The following MRAP2 variants were observed in gnomAD, a reference collection of about 807,000 sequenced individuals.
MRAP2 encodes the protein melanocortin-2 receptor accessory protein 2.
In MRAP2, 20 loss-of-function variants were observed where a neutral mutation model predicts 17.4. That is an observed-to-expected ratio of 1.15 (90% CI 0.81 to 1.67). The LOEUF is 1.67. MRAP2 is among the 40% of genes most tolerant of loss of function. MRAP2 has a pLI of 0.00. For synonymous variants in MRAP2, 96 were observed against 88.4 expected (o/e 1.09, Z -0.48); for missense variants, 238 against 240.0 (o/e 0.99, Z 0.05).
At chr6:84,130,940 G>A in the MRAP2 span, among the ~76,000 whole-genome samples, 2 of 152,064 alleles carry the variant, frequency 1.3e-5, no homozygotes, top group East Asian at 3.8e-4. Flanking sequence ...TCTATTAATT[G>A]TGATGTTAGG....
chr6:84,122,759 A>G, the MRAP2 span, among the ~76,000 whole-genome samples: 1 of 152,166 alleles, frequency 6.6e-6, no homozygotes, highest in Non-Finnish European at 1.5e-5. Context: ...GAGGTAAAAG[A>G]CATCCAAATT....
chr6:84,049,032 T>A (rs2099489738), intron 1 of MRAP2, among the ~76,000 whole-genome samples: 1 of 152,218 alleles, frequency 6.6e-6, no homozygotes, highest in South Asian at 2.1e-4. Flanking sequence ...TTACAGCTTC[T>A]TTCCTGGTGT....
chr6:84,133,929 T>C, the MRAP2 span, among the ~76,000 whole-genome samples: 1 of 152,114 alleles, frequency 6.6e-6, no homozygotes, highest in Non-Finnish European at 1.5e-5. Context: ...AAATCACCCA[T>C]CTTATGAGTC....
At chr6:84,073,700 T>C (rs182845175) in intron 3 of MRAP2, among the ~76,000 whole-genome samples, 1 of 152,324 alleles carries the variant, frequency 6.6e-6, no homozygotes, top group East Asian at 1.9e-4. Flanking sequence ...TTATTGAGAC[T>C]TTGGCCTGGA....
intron 2 of MRAP2, chr6:84,061,809 G>T: frequency 1.0e-6 from 1 of 985,440 alleles, no homozygotes; most frequent in African/African-American, 1.7e-5. Context: ...AGCACCTGTG[G>T]TGTACTGTTT....
At chr6:84,144,719 G>C in the MRAP2 span, among the ~76,000 whole-genome samples, 3 of 152,002 alleles carry the variant, frequency 2.0e-5, no homozygotes, top group Admixed American at 6.6e-5. Flanking sequence ...TTAATTACAT[G>C]GGACTAAGTA....
At chr6:84,064,003 C>T (rs1200386199) in intron 3 of MRAP2, among the ~76,000 whole-genome samples, 1 of 151,756 alleles carries the variant, frequency 6.6e-6, no homozygotes, top group Non-Finnish European at 1.5e-5. Flanking sequence ...CAAGGTCACA[C>T]CACCGCACTC....
intron 3 of MRAP2, among the ~76,000 whole-genome samples, chr6:84,085,093 T>A (rs1263365693): frequency 2.0e-5 from 3 of 151,674 alleles, no homozygotes; most frequent in African/African-American, 7.3e-5. Flanking sequence ...TCTCACTCTG[T>A]CCCCAGGCTG....
chr6:84,085,194 A>G (rs887789419), intron 3 of MRAP2, among the ~76,000 whole-genome samples: 1 of 151,512 alleles, frequency 6.6e-6, no homozygotes, highest in South Asian at 2.1e-4. Flanking sequence ...AGCTGGGACT[A>G]CAGGCACCCG....
At chr6:84,050,581 G>A (rs1314680282) in intron 1 of MRAP2, among the ~76,000 whole-genome samples, 1 of 152,250 alleles carries the variant, frequency 6.6e-6, no homozygotes, top group Non-Finnish European at 1.5e-5. Flanking sequence ...CCAAAGTGCA[G>A]CGTGTCTGAG....
chr6:84,124,710 G>A, the MRAP2 span: 1 of 279,396 alleles, frequency 3.6e-6, no homozygotes, highest in Non-Finnish European at 6.7e-6. Flanking sequence ...ACAAGCACAT[G>A]TACCCCCTGG....
intron 2 of MRAP2, among the ~76,000 whole-genome samples, chr6:84,056,378 G>C (rs913628545): frequency 6.6e-6 from 1 of 152,120 alleles, no homozygotes; most frequent in Non-Finnish European, 1.5e-5. Flanking sequence ...GCACCAACTT[G>C]GTGCTCTTTT....
the MRAP2 span, among the ~76,000 whole-genome samples, chr6:84,111,290 G>A: frequency 3.2e-4 from 48 of 152,114 alleles, no homozygotes; most frequent in Admixed American, 6.5e-4. Context: ...TTGAGTGGTG[G>A]TTTGTAGTTC....
intron 1 of MRAP2, among the ~76,000 whole-genome samples, chr6:84,043,856 T>C (rs1197165093): frequency 6.6e-6 from 1 of 152,204 alleles, no homozygotes; most frequent in Non-Finnish European, 1.5e-5. Flanking sequence ...GGACTCATAA[T>C]AATTTTACTG....
At chr6:84,098,231 C>A in the MRAP2 span, among the ~76,000 whole-genome samples, 2 of 152,060 alleles carry the variant, frequency 1.3e-5, no homozygotes, top group Non-Finnish European at 2.9e-5. Flanking sequence ...TGCCTGGCTT[C>A]TTTCATTCAG....
chr6:84,139,743 T>A, the MRAP2 span, among the ~76,000 whole-genome samples: 53 of 152,320 alleles, frequency 3.5e-4, no homozygotes, highest in Non-Finnish European at 5.3e-4. Context: ...GAGAAAAAAA[T>A]TTGTAAAATT....
the MRAP2 span, among the ~76,000 whole-genome samples, chr6:84,097,561 T>C: frequency 6.6e-6 from 1 of 152,144 alleles, no homozygotes; most frequent in Non-Finnish European, 1.5e-5. Context: ...TAAAAATGTA[T>C]TTAGTATATT....
intron 3 of MRAP2, among the ~76,000 whole-genome samples, chr6:84,083,259 C>T (rs1193464938): frequency 6.6e-6 from 1 of 152,204 alleles, no homozygotes; most frequent in African/African-American, 2.4e-5. Flanking sequence ...CCAACAGCCA[C>T]CATGCCTGGC....
intron 1 of MRAP2, among the ~76,000 whole-genome samples, chr6:84,044,091 G>GT (rs1342062942): frequency 1.1e-4 from 16 of 152,260 alleles, no homozygotes; most frequent in African/African-American, 3.6e-4. Flanking sequence ...AGAGAACATT[G>GT]TTTTCTCCAA....
Sources: gnomAD v4.1 joint callset for allele counts (sites outside exome capture counted in the v4.1 genomes callset) on GRCh38, gnomAD v4.1.1 for gene constraint, MANE v1.5 for transcripts, NCBI Gene and HGNC (gene_info 2026-07-23, HGNC 2026-07-21) for gene names.